The following PPIL1 variants were observed in gnomAD, a reference collection of about 807,000 sequenced individuals.
PPIL1 encodes the protein peptidylprolyl isomerase like 1.
PPIL1 carries 14 observed loss-of-function variants against 19.4 expected under a neutral mutation model. That is an observed-to-expected ratio of 0.72 (90% confidence interval 0.48 to 1.13). The LOEUF is 1.13. PPIL1 is among the 50% of genes most tolerant of loss of function. The pLI is 0.00. For synonymous variants in PPIL1, 72 were observed against 73.6 expected, an observed-to-expected ratio of 0.98 and a Z score of 0.11; for missense variants, 192 against 218.0, an observed-to-expected ratio of 0.88 and a Z score of 0.75.
At chr6:36,873,183 C>T (rs1774554751) in intron 1 of PPIL1, among the ~76,000 whole-genome samples, 1 of 152,170 alleles carries the variant, frequency 6.6e-6, no homozygotes, top group Admixed American at 6.5e-5. Flanking sequence ...AGTACGTATA[C>T]AATTCTGAAA....
intron 2 of PPIL1, among the ~76,000 whole-genome samples, chr6:36,862,627 TTC>T (rs1774313748): frequency 6.6e-6 from 1 of 152,274 alleles, no homozygotes; most frequent in East Asian, 1.9e-4. Context: ...GACTAACAAG[TTC>T]AAGACCAAAG....
intron 2 of PPIL1, among the ~76,000 whole-genome samples, chr6:36,871,439 T>G (rs1774507196): frequency 6.6e-6 from 1 of 152,228 alleles, no homozygotes; most frequent in African/African-American, 2.4e-5. Context: ...AGACAAATAT[T>G]ATTTGTTCTT....
In PPIL1 at chr6:36,855,844, A is replaced by G; in HGVS notation, c.470T>C (p.Val157Ala). Residue 157 changes from valine (V) to alanine (A), a missense_variant, in exon 4 of 4, where the codon GTG becomes GCG. By Grantham distance (64) the Val-to-Ala change is moderately conservative (BLOSUM62 0). Transcript: ENST00000373699. ...AGAAGGGTATGCCTTAATGATCTTC[A>G]CGTCGTCCACAGGGCGGTCCTGGGA... ...TNSQDRPVDD[V>A]KIIKAYPSG 1 of 1,614,182 alleles carries G rather than the reference A, an allele frequency of 6.2e-7. No individual in the cohort carries two copies. Among genetic ancestry groups the G allele is most frequent in the South Asian group, 1.1e-5 (1 of 91,082 alleles).
chr6:36,874,625 C>A, intron 1 of PPIL1, 92 bp downstream of exon 1: 1 of 1,522,794 alleles, frequency 6.6e-7, no homozygotes. Context: ...TGGAGGCCGG[C>A]CTCCCGGAGG....
chr6:36,867,803 C>T (rs543454363), intron 2 of PPIL1, among the ~76,000 whole-genome samples: 53 of 152,358 alleles, frequency 3.5e-4, no homozygotes, highest in African/African-American at 1.2e-3. Context: ...CTCTCCCACA[C>T]CTCTTCAGGC....
In PPIL1 at chr6:36,863,078, A is replaced by T. The variant is rs574821267; in HGVS notation, c.212-6424T>A. Among the ~76,000 whole-genome samples the T allele has an allele frequency of 7.9e-5, 12 of 152,370 alleles. No individual in the cohort carries two copies. The South Asian group carries it at 2.3e-3, about 29-fold the overall frequency. On this transcript the variant is annotated intron_variant, in intron 2 of 3. Coordinates refer to ENST00000373699, the MANE Select transcript of PPIL1 (RefSeq NM_016059.5). ...TGTTATGAGAATTAAATGAGACAGC[A>T]TATGGAAGCTATCTGGTGTGTAACA... is the stretch of plus-strand genomic sequence containing the variant.
intron 1 of PPIL1, 58 bp from the exon 2 acceptor site, chr6:36,871,930 A>AT: frequency 7.0e-7 from 1 of 1,430,364 alleles, no homozygotes; most frequent in Non-Finnish European, 9.3e-7. Context: ...AGACAGGAGT[A>AT]TTATGGAACT....
chr6:36,863,363 C>A (rs980284496), intron 2 of PPIL1, among the ~76,000 whole-genome samples: 2 of 152,066 alleles, frequency 1.3e-5, no homozygotes, highest in Non-Finnish European at 2.9e-5. Context: ...ACCACCAAAG[C>A]CCCTTCCCTT....
chr6:36,868,157 A>C (rs1774431391), intron 2 of PPIL1, among the ~76,000 whole-genome samples: 1 of 152,212 alleles, frequency 6.6e-6, no homozygotes, highest in Non-Finnish European at 1.5e-5. Flanking sequence ...CTCAAAGACA[A>C]GATAATACAC....
chr6:36,856,907 T>A (rs190735317), intron 2 of PPIL1, among the ~76,000 whole-genome samples: 1 of 152,194 alleles, frequency 6.6e-6, no homozygotes, highest in South Asian at 2.1e-4. Flanking sequence ...TAATACATGT[T>A]CACTATCAAA....
At chr6:36,874,012 T>C (rs939602812) in intron 1 of PPIL1, among the ~76,000 whole-genome samples, 4 of 152,194 alleles carry the variant, frequency 2.6e-5, no homozygotes, top group African/African-American at 9.7e-5. Context: ...TGAATAGAGC[T>C]AAAGGATCTA....
chr6:36,857,322 C>G (rs989289032), intron 2 of PPIL1, among the ~76,000 whole-genome samples: 5 of 152,102 alleles, frequency 3.3e-5, no homozygotes, highest in Non-Finnish European at 7.3e-5. Context: ...ACATTACGGT[C>G]GGCAGAGTCC....
chr6:36,862,333 T>C (rs1488492215), intron 2 of PPIL1, among the ~76,000 whole-genome samples: 1 of 152,130 alleles, frequency 6.6e-6, no homozygotes, highest in Non-Finnish European at 1.5e-5. Context: ...TGTCCGTCAG[T>C]AGTCTCCTGA....
At chr6:36,858,231 C>CAAAAAAAAAAAAAAAAAAAAAAAAAAA (rs55719434) in intron 2 of PPIL1, among the ~76,000 whole-genome samples, 1 of 68,188 alleles carries the variant, frequency 1.5e-5, no homozygotes, top group African/African-American at 5.8e-5. Context: ...AAGACTGTCT[C>CAAAAAAAAAAAAAAAAAAAAAAAAAAA]AAAAAAAAAA....
Position 36,871,725 on chromosome 6 carries a change from T to C in PPIL1, c.204A>G (p.Thr68=). The change falls in exon 2 of 4, where the codon ACA becomes ACG. Residue 68 remains threonine (T), a synonymous_variant. Coordinates refer to ENST00000373699, the MANE Select transcript of PPIL1 (RefSeq NM_016059.5). ...ATGTTGGCTTAACTGTACCTGTCCC[T>C]GTTGGGTCACCTCCTTGGATCATGA... ...KDFMIQGGDP[T]GTGRGGASIY... is the part of the protein sequence containing the mutation. 2 of 1,605,804 alleles carry C rather than the reference T, an allele frequency of 1.2e-6. No individual in the cohort carries two copies. The highest frequency in any genetic ancestry group is 1.7e-6 in the Non-Finnish European group (2 of 1,176,902).
At chr6:36,871,316 C>A (rs1774504678) in intron 2 of PPIL1, among the ~76,000 whole-genome samples, 1 of 152,172 alleles carries the variant, frequency 6.6e-6, no homozygotes, top group South Asian at 2.1e-4. Flanking sequence ...AAAACAGGTA[C>A]TCAGTATTTG....
chr6:36,865,549 C>T (rs191265269), intron 2 of PPIL1, among the ~76,000 whole-genome samples: 8 of 152,300 alleles, frequency 5.3e-5, no homozygotes, highest in Non-Finnish European at 1.0e-4. Context: ...ATGCCTCTGT[C>T]ACTCCTGCCC....
At chr6:36,861,701 C>CTT (rs59996744) in intron 2 of PPIL1, among the ~76,000 whole-genome samples, 5 of 138,826 alleles carry the variant, frequency 3.6e-5, no homozygotes, top group Non-Finnish European at 6.2e-5. Flanking sequence ...TTTTTAATTC[C>CTT]TTTTTTTTTT....
At chr6:36,857,453 G>A (rs1362889669) in intron 2 of PPIL1, among the ~76,000 whole-genome samples, 2 of 152,046 alleles carry the variant, frequency 1.3e-5, no homozygotes, top group Non-Finnish European at 2.9e-5. Flanking sequence ...AGGAGTTTGA[G>A]CTGGGCCACA....
Sources: allele counts gnomAD v4.1 joint callset (sites outside exome capture counted in the v4.1 genomes callset), GRCh38; gene constraint gnomAD v4.1.1; transcripts MANE v1.5; gene names NCBI Gene and HGNC (gene_info 2026-07-23, HGNC 2026-07-21).